LONRF2: variants seen among roughly 807,000 people sequenced by gnomAD.
The protein encoded by LONRF2 is LON peptidase N-terminal domain and ring finger 2.
A neutral mutation model predicts 66.6 loss-of-function variants in LONRF2; 35 were observed. The ratio of observed to expected loss-of-function variants is 0.53; its 90% CI spans 0.40 to 0.70. The LOEUF (loss-of-function observed/expected upper bound fraction) is 0.70. LONRF2 is among the 30% of genes least tolerant of loss of function. The probability of loss-of-function intolerance (pLI) is 0.00; values close to 1 mark genes in which losing one functional copy is unlikely to be tolerated. For synonymous variants in LONRF2, 417 were observed against 418.1 expected (o/e 1.00, Z 0.03); for missense variants, 902 against 1,002.1 (o/e 0.90, Z 1.35).
chr2:100,291,400 C>T (rs752991461), intron 9 of LONRF2, among the ~76,000 whole-genome samples: 2 of 151,650 alleles, frequency 1.3e-5, no homozygotes, highest in African/African-American at 2.4e-5. Context: ...AAGTCCTCCA[C>T]CTTCAAAGGC....
chr2:100,316,949 A>G (rs187041363), intron 1 of LONRF2, among the ~76,000 whole-genome samples: 1 of 152,030 alleles, frequency 6.6e-6, no homozygotes, highest in African/African-American at 2.4e-5. Context: ...ATTTCTTCTG[A>G]TATTCCTTGC....
intron 1 of LONRF2, among the ~76,000 whole-genome samples, chr2:100,310,780 A>C (rs1265363266): frequency 1.3e-5 from 2 of 152,244 alleles, no homozygotes; most frequent in Non-Finnish European, 2.9e-5. Context: ...GCAGGCAAAG[A>C]GGCAAACTGA....
At position 100,322,152 on chromosome 2, in the gene LONRF2, C is replaced by T; in HGVS notation, c.-59G>A. Reference sequence around the variant, plus strand: ...GAAGGCGCGGAGCAGGGAGGATGCGCTGCTGCTGGGAACTGGCCGGCGGGA... The same window carrying T: ...GAAGGCGCGGAGCAGGGAGGATGCGTTGCTGCTGGGAACTGGCCGGCGGGA... On this transcript the variant is annotated 5_prime_UTR_variant, in exon 1 of 12. Transcript: ENST00000393437. 8.3e-7 allele frequency: 1 copy of T among 1,206,816 alleles called. No individual in the cohort carries two copies. The allele number at this position is 1,206,816 out of a possible 1,614,324, so 74.8% of individuals were successfully genotyped here.
Position 100,273,727 on chromosome 2 carries a change from C to A in LONRF2, c.*10571G>T, listed in dbSNP as rs1444346028. 1.3e-5 allele frequency: 2 copies of A among 152,154 alleles called. No homozygotes were observed. Among genetic ancestry groups the A allele is most frequent in the Non-Finnish European group, 2.9e-5 (2 of 68,020 alleles). 9.4% of individuals were successfully genotyped at this position (152,154 alleles called of 1,614,324 possible). ...AGCATGATTATTAAGTTTATCTACA[C>A]CAGCTTATTTATTCAAATTTGCTCT... On this transcript the variant is annotated 3_prime_UTR_variant, in exon 12 of 12. Coordinates refer to ENST00000393437, the MANE Select transcript of LONRF2 (RefSeq NM_198461.4).
intron 1 of LONRF2, among the ~76,000 whole-genome samples, chr2:100,309,834 G>A (rs567480486): frequency 4.6e-5 from 7 of 152,052 alleles, no homozygotes; most frequent in Admixed American, 3.3e-4. Context: ...CACCACGCCC[G>A]GCTAATTTTT....
chr2:100,272,010 A>T lies in LONRF2; in HGVS notation c.*12288T>A, dbSNP rs182161868. Reference sequence around the variant, plus strand: ...AAAATGCCTGATCCTTACAACTCACATATAAAAGACTTCATCAGAGGTTTT... The same window carrying T: ...AAAATGCCTGATCCTTACAACTCACTTATAAAAGACTTCATCAGAGGTTTT... On this transcript the variant is annotated 3_prime_UTR_variant, in exon 12 of 12. Coordinates refer to ENST00000393437, the MANE Select transcript of LONRF2 (RefSeq NM_198461.4). Among the ~76,000 whole-genome samples, 1 of 152,362 alleles carries T rather than the reference A, an allele frequency of 6.6e-6. No homozygotes were observed. The highest frequency in any genetic ancestry group is 1.5e-5 in the Non-Finnish European group (1 of 68,034).
intron 1 of LONRF2, among the ~76,000 whole-genome samples, chr2:100,314,949 T>C (rs568072192): frequency 9.2e-5 from 14 of 152,348 alleles, no homozygotes; most frequent in African/African-American, 3.1e-4. Context: ...TTCTTCACTG[T>C]TGCCTTGGCC....
chr2:100,301,849 A>T (rs1211451851), intron 3 of LONRF2, among the ~76,000 whole-genome samples: 2 of 152,248 alleles, frequency 1.3e-5, no homozygotes, highest in Non-Finnish European at 2.9e-5. Context: ...TCCGTATAGG[A>T]CAAAGCAGGC....
intron 7 of LONRF2, among the ~76,000 whole-genome samples, chr2:100,298,175 G>T (rs1367084802): frequency 6.6e-6 from 1 of 152,136 alleles, no homozygotes; most frequent in Non-Finnish European, 1.5e-5. Flanking sequence ...GCCCAATACA[G>T]CTGATATGGA....
rs564425070 is a variant in LONRF2 at position 100,284,561 on chromosome 2, T to C, written c.2071-69A>G. On this transcript the variant is annotated intron_variant, in intron 11 of 11. Transcript: ENST00000393437. The stretch of plus-strand genomic sequence containing the variant: ...CAAGCCTGTTCCCCAACACAGTCTT[T>C]TGCTCCACCAACAGACACGTGAGCA... The C allele has an allele frequency of 6.4e-5, 84 of 1,314,126 alleles. No individual in the cohort carries two copies. The South Asian group carries it at 1.2e-3, about 19-fold the overall frequency. The allele number at this position is 1,314,126 out of a possible 1,614,324, so 81.4% of individuals were successfully genotyped here.
intron 1 of LONRF2, among the ~76,000 whole-genome samples, chr2:100,310,682 A>T (rs1385162015): frequency 1.3e-5 from 2 of 152,240 alleles, no homozygotes; most frequent in Admixed American, 6.5e-5. Flanking sequence ...TTATTAAGAG[A>T]GACATTGCTG....
In LONRF2 at chr2:100,321,502, G is replaced by A. The variant is rs778460383; in HGVS notation, c.592C>T (p.Arg198Cys). The change falls in exon 1 of 12, where the codon CGC (arginine) becomes TGC (cysteine). Residue 198 changes from arginine (R) to cysteine (C), a missense_variant. Transcript: ENST00000393437. ...CTCCGCGCCTGGCCTGCCAGCCTGC[G>A]CAGCCGGCACTCGGCCGGGAAGCAC... ...EKCFPAECRL[R>C]RLAGQARSLQ... 4.5e-6 allele frequency: 7 copies of A among 1,543,328 alleles called. No individual in the cohort carries two copies. The highest frequency in any genetic ancestry group is 1.9e-5 in the Admixed American group (1 of 53,130).
At chr2:100,300,881 C>T (rs560419575) in intron 3 of LONRF2, 94 bp from the exon 4 acceptor site, 1 of 944,488 alleles carries the variant, frequency 1.1e-6, no homozygotes, top group Admixed American at 3.7e-5. Context: ...ACTAAGAGGC[C>T]AAATAAGCCT....
rs971604577 is a variant in LONRF2 at position 100,278,908 on chromosome 2, C to T, written c.*5390G>A. 22 of 152,184 alleles carry T rather than the reference C, an allele frequency of 1.4e-4. No individual in the cohort carries two copies. The highest frequency in any genetic ancestry group is 5.3e-4 in the African/African-American group (22 of 41,400). The allele number at this position is 152,184 out of a possible 1,614,324, so 9.4% of individuals were successfully genotyped here. A position where few individuals can be genotyped will look rare whatever the true frequency, so the allele number is the denominator to read the frequency against. ...ACTAATGCTGATACATGCCCTGCTT[C>T]TGCCGAAACATGGCCCCCTACACTC... On this transcript the variant is annotated 3_prime_UTR_variant, in exon 12 of 12. Transcript: ENST00000393437.
At chr2:100,288,505 C>T (rs1290533653) in intron 10 of LONRF2, among the ~76,000 whole-genome samples, 2 of 152,240 alleles carry the variant, frequency 1.3e-5, no homozygotes, top group East Asian at 3.9e-4. Context: ...ATTTACAGAC[C>T]AAAAAGTGCA....
chr2:100,295,068 T>C lies in LONRF2; in HGVS notation c.1598+364A>G, dbSNP rs532686669. Among the ~76,000 whole-genome samples, 36 of 151,898 alleles carry C rather than the reference T, an allele frequency of 2.4e-4. No homozygotes were observed. In the South Asian group the frequency reaches 5.4e-3, roughly 23 times the overall value. On this transcript the variant is annotated intron_variant, in intron 8 of 11. Transcript: ENST00000393437. Reference sequence around the variant, plus strand: ...TCTTGCTATGTTGGCCAGGTTGGTTTTGAACTCCTAAGCTCAGGCAATCCT... The same window carrying C: ...TCTTGCTATGTTGGCCAGGTTGGTTCTGAACTCCTAAGCTCAGGCAATCCT...
In LONRF2 at chr2:100,275,748, C is replaced by G. The variant is rs1471236705; in HGVS notation, c.*8550G>C. ...TACGTGAGCCTGTAACCACCCCCCA[C>G]CAGTGTGCCTGGGCACTCTGAACAC... On this transcript the variant is annotated 3_prime_UTR_variant, in exon 12 of 12. Coordinates refer to ENST00000393437, the MANE Select transcript of LONRF2 (RefSeq NM_198461.4). The G allele has an allele frequency of 8.5e-5, 13 of 152,300 alleles. No homozygotes were observed. The East Asian group carries it at 2.5e-3, about 29-fold the overall frequency. The allele number at this position is 152,300 out of a possible 1,614,324, so 9.4% of individuals were successfully genotyped here.
At position 100,284,335 on chromosome 2, in the gene LONRF2, C is replaced by T. The variant is rs746030640; in HGVS notation, c.2228G>A (p.Arg743Gln). ...CTCCCTGGCATTAGCCAGCTCTTGC[C>T]GACTATTCATCTTACGCGTGATGAT... is the stretch of plus-strand genomic sequence containing the variant. Reference protein sequence around the residue: ...LVIITRKMNSRQELANARERN... With the variant: ...LVIITRKMNSQQELANARERN... The change falls in exon 12 of 12, where the codon CGG (arginine) becomes CAG (glutamine). Residue 743 changes from arginine (R) to glutamine (Q), a missense_variant. Arg to Gln is a conservative substitution (Grantham distance 43). Transcript: ENST00000393437. 8.2e-6 allele frequency: 13 copies of T among 1,576,850 alleles called. No individual in the cohort carries two copies. The highest frequency in any genetic ancestry group is 8.2e-5 in the South Asian group (7 of 85,608).
chr2:100,300,534 G>T, intron 4 of LONRF2, 110 bp downstream of exon 4: 1 of 1,084,940 alleles, frequency 9.2e-7, no homozygotes. Context: ...TGAGAAATAT[G>T]TCTAACTAAC....
Sources: allele counts gnomAD v4.1 joint callset (sites outside exome capture counted in the v4.1 genomes callset), GRCh38; gene constraint gnomAD v4.1.1; transcripts MANE v1.5; gene names NCBI Gene and HGNC (gene_info 2026-07-23, HGNC 2026-07-21).